SV2C: variants seen among roughly 807,000 people sequenced by gnomAD.
SV2C encodes synaptic vesicle glycoprotein 2C, also known as solute carrier family 22 member B3.
A neutral mutation model predicts 79.7 loss-of-function variants in SV2C; 49 were observed. That is an observed-to-expected ratio of 0.61 (90% confidence interval 0.49 to 0.78). SV2C has a LOEUF of 0.78. Among genes scored for constraint, SV2C ranks in the 30% least tolerant of loss-of-function variants. The pLI is 0.00. For missense variants in SV2C, 833 were observed against 912.9 expected (o/e 0.91, Z 1.13); for synonymous variants, 334 against 333.2 (o/e 1.00, Z -0.03).
intron 2 of SV2C, chr5:76,171,071 C>T (rs1743221472): frequency 8.5e-6 from 1 of 118,240 alleles, no homozygotes; most frequent in Non-Finnish European, 1.5e-5. Context: ...GCTGGAGGAG[C>T]GGACGGGCCC....
chr5:76,134,409 C>T (rs1382369103), intron 2 of SV2C, among the ~76,000 whole-genome samples: 5 of 152,148 alleles, frequency 3.3e-5, no homozygotes, highest in Non-Finnish European at 7.4e-5. Flanking sequence ...TTGCCATTTT[C>T]ATTTCATCGA....
the SV2C span, among the ~76,000 whole-genome samples, chr5:75,980,359 T>C: frequency 2.0e-5 from 3 of 152,150 alleles, no homozygotes; most frequent in African/African-American, 7.2e-5. Flanking sequence ...CCCTAACTGA[T>C]TCTATGAGGC....
At chr5:76,163,026 G>A (rs1742940218) in intron 2 of SV2C, among the ~76,000 whole-genome samples, 1 of 152,146 alleles carries the variant, frequency 6.6e-6, no homozygotes, top group South Asian at 2.1e-4. Context: ...GAGGAATCCA[G>A]TTTAGAGGCC....
At chr5:76,107,565 A>C (rs1747959527) in intron 1 of SV2C, among the ~76,000 whole-genome samples, 1 of 152,234 alleles carries the variant, frequency 6.6e-6, no homozygotes, top group Non-Finnish European at 1.5e-5. Flanking sequence ...AAGACCCACA[A>C]AAAAGGCAAT....
chr5:76,032,702 A>G, the SV2C span, among the ~76,000 whole-genome samples: 23 of 152,332 alleles, frequency 1.5e-4, no homozygotes, highest in East Asian at 4.2e-3. Context: ...ATGCCGCAAT[A>G]AACATATGTG....
At chr5:76,150,626 C>CTTTTTTTTTTTTTTTTTTT (rs57910684) in intron 2 of SV2C, among the ~76,000 whole-genome samples, 1 of 56,454 alleles carries the variant, frequency 1.8e-5, no homozygotes. Flanking sequence ...TCATCAAATT[C>CTTTTTTTTTTTTTTTTTTT]TTTTTTTTTT....
At chr5:76,302,860 C>CA (rs1165610749) in intron 12 of SV2C, among the ~76,000 whole-genome samples, 1 of 152,042 alleles carries the variant, frequency 6.6e-6, no homozygotes, top group Admixed American at 6.5e-5. Context: ...AGGGTGGAGT[C>CA]AGTATTATCT....
At chr5:75,860,525 A>G in the SV2C span, among the ~76,000 whole-genome samples, 1 of 152,236 alleles carries the variant, frequency 6.6e-6, no homozygotes, top group South Asian at 2.1e-4. Context: ...AAAGCTATCT[A>G]TAGATTCAAT....
chr5:76,202,562 T>C (rs1744484852), intron 3 of SV2C, among the ~76,000 whole-genome samples: 1 of 152,234 alleles, frequency 6.6e-6, no homozygotes, highest in Non-Finnish European at 1.5e-5. Context: ...CATACGTGTT[T>C]GAACAGATCA....
chr5:76,306,354 C>A (rs13360698), intron 12 of SV2C, among the ~76,000 whole-genome samples: 6,621 of 152,228 alleles, frequency 0.043, 167 homozygotes, highest in Middle Eastern at 0.095. Context: ...TTGTGCCAGG[C>A]TCCAAAAGAT....
At chr5:76,311,193 T>C (rs1390735534) in intron 12 of SV2C, 1 of 152,312 alleles carries the variant, frequency 6.6e-6, no homozygotes, top group Non-Finnish European at 1.5e-5. Flanking sequence ...CCTTGGTCAG[T>C]CACCTCTATC....
intron 12 of SV2C, among the ~76,000 whole-genome samples, chr5:76,317,727 G>C (rs1748678974): frequency 6.6e-6 from 1 of 152,162 alleles, no homozygotes; most frequent in East Asian, 1.9e-4. Context: ...CTACTCGAGA[G>C]GCTGAGGAGG....
At chr5:75,907,662 T>C in the SV2C span, among the ~76,000 whole-genome samples, 1 of 152,224 alleles carries the variant, frequency 6.6e-6, no homozygotes, top group Non-Finnish European at 1.5e-5. Flanking sequence ...TAGTGGCTAC[T>C]GGTTGGGACC....
the SV2C span, among the ~76,000 whole-genome samples, chr5:75,967,464 C>G: frequency 6.6e-6 from 1 of 152,210 alleles, no homozygotes; most frequent in Non-Finnish European, 1.5e-5. Flanking sequence ...AATCGGGTCA[C>G]TCTCACCCTA....
the SV2C span, among the ~76,000 whole-genome samples, chr5:75,959,776 G>A: frequency 6.6e-6 from 1 of 151,840 alleles, no homozygotes. Flanking sequence ...TCAGTCCAAA[G>A]GTAGAAATAC....
chr5:76,262,181 A>G (rs1746491683), intron 4 of SV2C, among the ~76,000 whole-genome samples: 1 of 152,132 alleles, frequency 6.6e-6, no homozygotes, highest in Non-Finnish European at 1.5e-5. Context: ...TGTATGTGTC[A>G]AGGAATTTAT....
the SV2C span, among the ~76,000 whole-genome samples, chr5:75,860,900 C>T: frequency 6.6e-6 from 1 of 152,032 alleles, no homozygotes; most frequent in African/African-American, 2.4e-5. Context: ...AGACTGAAAC[C>T]GACCCCCTAC....
intron 2 of SV2C, among the ~76,000 whole-genome samples, chr5:76,148,880 G>A (rs1224310576): frequency 6.6e-6 from 1 of 152,172 alleles, no homozygotes; most frequent in Non-Finnish European, 1.5e-5. Context: ...GTCTTGGCTA[G>A]TTAGTACATA....
At chr5:76,230,650 G>T (rs1166809765) in intron 4 of SV2C, among the ~76,000 whole-genome samples, 1 of 152,074 alleles carries the variant, frequency 6.6e-6, no homozygotes, top group East Asian at 1.9e-4. Flanking sequence ...TTATCTGGGC[G>T]TGATGGCGGG....
Sources: allele counts gnomAD v4.1 joint callset (sites outside exome capture counted in the v4.1 genomes callset), GRCh38; gene constraint gnomAD v4.1.1; transcripts MANE v1.5; gene names NCBI Gene and HGNC (gene_info 2026-07-23, HGNC 2026-07-21).